The following PXDN variants were observed in gnomAD, a reference collection of about 807,000 sequenced individuals.
PXDN encodes peroxidasin homolog.
Under a neutral mutation model 140.3 loss-of-function variants are expected in PXDN, and 77 were observed. The ratio of observed to expected loss-of-function variants is 0.55; its 90% confidence interval spans 0.46 to 0.66. The LOEUF (loss-of-function observed/expected upper bound fraction) is 0.66. Among genes scored for constraint, PXDN ranks in the 30% least tolerant of loss-of-function variants. PXDN has a pLI of 0.00. For synonymous variants in PXDN, 911 were observed against 857.4 expected, an observed-to-expected ratio of 1.06 and a Z score of -1.09; for missense variants, 1,838 against 2,039.5, an observed-to-expected ratio of 0.90 and a Z score of 1.90.
chr2:1,743,068 C>A (rs72765515), intron 1 of PXDN, among the ~76,000 whole-genome samples: 132 of 152,350 alleles, frequency 8.7e-4, no homozygotes, highest in Non-Finnish European at 1.5e-3. Context: ...GAGTCGGCGC[C>A]TGAAACGCAG....
rs1373617362 is a variant in PXDN at position 1,660,052 on chromosome 2, TCA to T, written c.1837+827_1837+828del. On this transcript the variant is annotated intron_variant, in intron 14 of 22. Transcript: ENST00000252804. This position sits in a 1 kb window ranked among gnomAD's most constrained non-coding sequence, Gnocchi z 4.6. ...CGTGAAGGGGGGTTTGTGCGCGTTCTCAGAGTGTTGCTAACTCTAGGGGGACA... is the reference window on the plus strand; with the variant it reads ...CGTGAAGGGGGGTTTGTGCGCGTTCTGAGTGTTGCTAACTCTAGGGGGACA... 6.6e-6 allele frequency among the ~76,000 whole-genome samples: 1 copy of T among 152,152 alleles called. No homozygotes were observed. Among genetic ancestry groups the T allele is most frequent in the African/African-American group, 2.4e-5 (1 of 41,442 alleles).
chr2:1,689,050 C>T (rs1684127746), intron 3 of PXDN, among the ~76,000 whole-genome samples: 1 of 152,142 alleles, frequency 6.6e-6, no homozygotes. Context: ...CAGAACTCCC[C>T]AGCGACCGAG....
At chr2:1,744,516 G>A (rs1293763624), upstream of PXDN, 1 of 1,290,938 alleles carries the variant, frequency 7.7e-7, no homozygotes, top group South Asian at 2.3e-5. Flanking sequence ...TCCCGACTGC[G>A]CCCGCCCGGC....
chr2:1,690,648 C>CAAAAAAAAAAAAAAAA (rs35970382), intron 3 of PXDN, among the ~76,000 whole-genome samples: 2 of 68,632 alleles, frequency 2.9e-5, no homozygotes, highest in African/African-American at 5.7e-5. Flanking sequence ...TTCAAAATAC[C>CAAAAAAAAAAAAAAAA]AAAAAAAAAA....
intron 7 of PXDN, among the ~76,000 whole-genome samples, chr2:1,678,771 C>T (rs957271879): frequency 6.6e-5 from 10 of 152,192 alleles, no homozygotes; most frequent in African/African-American, 2.4e-5. Flanking sequence ...CACTGAGGGC[C>T]GTTTCTGGGA....
chr2:1,643,643 G>A (rs937626011), intron 18 of PXDN, 67 bp from the exon 19 acceptor site: 1 of 1,545,562 alleles, frequency 6.5e-7, no homozygotes, highest in Non-Finnish European at 8.9e-7. Flanking sequence ...TAGGAGCTGA[G>A]TTAAAATCTC....
At chr2:1,723,874 G>C (rs1355699357) in intron 1 of PXDN, among the ~76,000 whole-genome samples, 1 of 152,210 alleles carries the variant, frequency 6.6e-6, no homozygotes, top group African/African-American at 2.4e-5. Context: ...TCCCACGTTT[G>C]AGTAAGTTAC....
At chr2:1,676,744 C>T (rs113323295) in intron 8 of PXDN, among the ~76,000 whole-genome samples, 183 bp downstream of exon 8, 8 of 152,318 alleles carry the variant, frequency 5.3e-5, no homozygotes, top group African/African-American at 7.2e-5. Context: ...CTGGCAGAAA[C>T]GTCGTCACAC....
chr2:1,704,823 GC>G, intron 1 of PXDN, among the ~76,000 whole-genome samples: 1 of 152,296 alleles, frequency 6.6e-6, no homozygotes, highest in South Asian at 2.1e-4. Flanking sequence ...ATGGGAGGCA[GC>G]TTTGCCTTGA....
chr2:1,662,130 T>C lies in PXDN; in HGVS notation c.1622A>G (p.Asn541Ser), dbSNP rs771847317. The change falls in exon 13 of 23, where the codon AAT becomes AGT. Residue 541 changes from asparagine (N) to serine (S), a missense_variant. Asn to Ser is a conservative substitution (Grantham distance 46). Transcript: ENST00000252804. The stretch of plus-strand genomic sequence containing the variant: ...CTGGGAGCTGCACGGGAGCTGCACA[T>C]TGGCGCCCACCTCCACTGTTGTGTC... ...PSDTTVEVGA[N>S]VQLPCSSQGE... 3.8e-6 allele frequency: 6 copies of C among 1,597,962 alleles called. No individual in the cohort carries two copies. In the African/African-American group the frequency reaches 6.7e-5, roughly 18 times the overall value.
intron 7 of PXDN, among the ~76,000 whole-genome samples, chr2:1,678,228 C>T (rs928152901): frequency 1.3e-5 from 2 of 152,178 alleles, no homozygotes; most frequent in Non-Finnish European, 2.9e-5. Flanking sequence ...GCCTCCCTCA[C>T]ACACTCCCCG....
intron 14 of PXDN, among the ~76,000 whole-genome samples, chr2:1,656,113 A>T (rs1389282044): frequency 6.6e-6 from 1 of 151,638 alleles, no homozygotes; most frequent in Admixed American, 6.6e-5. Context: ...ACAAACACAC[A>T]CCCCAAACAC....
chr2:1,689,497 T>C (rs1252468341), intron 3 of PXDN, among the ~76,000 whole-genome samples: 1 of 152,134 alleles, frequency 6.6e-6, no homozygotes, highest in Non-Finnish European at 1.5e-5. Context: ...AATAGGTGAG[T>C]ATTGGCTGGC....
At chr2:1,643,256 T>C in intron 19 of PXDN, 112 bp downstream of exon 19, 1 of 1,116,306 alleles carries the variant, frequency 9.0e-7, no homozygotes, top group South Asian at 1.5e-5. Flanking sequence ...GCTGAATATT[T>C]TGTTTTCAGT....
At chr2:1,672,888 G>T (rs962265986) in intron 9 of PXDN, among the ~76,000 whole-genome samples, 8 of 152,244 alleles carry the variant, frequency 5.3e-5, no homozygotes, top group Non-Finnish European at 1.2e-4. Flanking sequence ...CAGAGAGGAA[G>T]TTACACCTGC....
chr2:1,659,512 C>T (rs1683253749), intron 14 of PXDN, among the ~76,000 whole-genome samples: 1 of 152,092 alleles, frequency 6.6e-6, no homozygotes, highest in Non-Finnish European at 1.5e-5. Context: ...AATCCAAAAG[C>T]ATTTCTTTAT....
In PXDN at chr2:1,666,378, G is replaced by A. The variant is rs368152969; in HGVS notation, c.1127C>T (p.Thr376Met). ...TGGCAAGGGTGTGCGGTCACCTCTC[G>A]TCCAGGAGATCCGCGGCGGGGGGTG... ...TGHPPPRISW[T>M]RGDRTPLPVD... is the part of the protein sequence containing the mutation. Residue 376 changes from threonine (T) to methionine (M), a missense_variant, in exon 10 of 23, where the codon ACG (threonine) becomes ATG (methionine). Transcript: ENST00000252804. 247 of 1,613,782 alleles carry A rather than the reference G, an allele frequency of 1.5e-4. No homozygotes were observed. Among genetic ancestry groups the A allele is most frequent in the Non-Finnish European group, 2.0e-4 (235 of 1,179,870 alleles).
At chr2:1,645,467 A>T (rs1240847759) in intron 17 of PXDN, among the ~76,000 whole-genome samples, 1 of 152,182 alleles carries the variant, frequency 6.6e-6, no homozygotes, top group Non-Finnish European at 1.5e-5. Context: ...TATATTCTAT[A>T]ATTCTCACTG....
At position 1,653,625 on chromosome 2, in the gene PXDN, G is replaced by A; in HGVS notation, c.2104+3C>T. The stretch of plus-strand genomic sequence containing the variant: ...AGGAGGAAGAAAAGGCTTTGGCACT[G>A]ACTTGTTCCGTTGAGGTCGACCATC... On this transcript the variant is annotated splice_donor_region_variant and intron_variant, in intron 16 of 22. Coordinates refer to ENST00000252804, the MANE Select transcript of PXDN (RefSeq NM_012293.3). The A allele has an allele frequency of 3.1e-6, 5 of 1,612,388 alleles. No homozygotes were observed. Among genetic ancestry groups the A allele is most frequent in the Non-Finnish European group, 2.5e-6 (3 of 1,179,402 alleles).
Sources: allele counts gnomAD v4.1 joint callset (sites outside exome capture counted in the v4.1 genomes callset), GRCh38; gene constraint gnomAD v4.1.1; non-coding constraint Gnocchi (gnomAD v3.1); transcripts MANE v1.5; gene names NCBI Gene and HGNC (gene_info 2026-07-23, HGNC 2026-07-21).